Variants in DNAH2 observed in about 807,000 individuals in gnomAD.
The protein encoded by DNAH2 is axonemal beta dynein heavy chain 2.
DNAH2 carries 323 observed loss-of-function variants against 523.5 expected under a neutral mutation model. The observed-to-expected ratio is 0.62, with a 90% CI of 0.56 to 0.68. The LOEUF (loss-of-function observed/expected upper bound fraction) is 0.68. DNAH2 is among the 30% of genes least tolerant of loss of function. The pLI, the probability that DNAH2 is intolerant of heterozygous loss-of-function variation, is 0.00. For synonymous variants in DNAH2, 2,093 were observed against 2,177.4 expected (o/e 0.96, Z 1.08); for missense variants, 4,907 against 5,701.5 (o/e 0.86, Z 4.49).
chr17:7,750,025 C>T (rs375567334), intron 12 of DNAH2, among the ~76,000 whole-genome samples: 4 of 152,074 alleles, frequency 2.6e-5, no homozygotes, highest in South Asian at 2.1e-4. Flanking sequence ...TCATTATTAT[C>T]GTTATTACTA....
chr17:7,790,968 A>G (rs979026857), intron 44 of DNAH2, among the ~76,000 whole-genome samples: 15 of 152,118 alleles, frequency 9.9e-5, no homozygotes, highest in African/African-American at 3.1e-4. Flanking sequence ...CAGCTTCCCA[A>G]AGTGCTGGGA....
Position 7,817,479 on chromosome 17 carries a change from GA to G in DNAH2, c.10020+66del, listed in dbSNP as rs2077706119. The G allele has an allele frequency of 2.5e-6, 4 of 1,613,256 alleles. No individual in the cohort carries two copies. In the Admixed American group the frequency reaches 6.7e-5, roughly 27 times the overall value. On this transcript the variant is annotated intron_variant, in intron 65 of 85. Transcript: ENST00000572933. Reference sequence around the variant, plus strand: ...CCAGGGCTGGGGGCAGGACCTTTGGGAATATTAAGAGATACCGTGAAGGCGC... The same window carrying G: ...CCAGGGCTGGGGGCAGGACCTTTGGGATATTAAGAGATACCGTGAAGGCGC...
At chr17:7,753,191 G>C (rs2075737337) in intron 12 of DNAH2, among the ~76,000 whole-genome samples, 1 of 152,222 alleles carries the variant, frequency 6.6e-6, no homozygotes, top group South Asian at 2.1e-4. Context: ...TGGTTCTGGT[G>C]TAGGCGGTGG....
chr17:7,813,457 G>A (rs751238486), intron 63 of DNAH2, among the ~76,000 whole-genome samples: 53 of 152,204 alleles, frequency 3.5e-4, no homozygotes, highest in Non-Finnish European at 6.5e-4. Context: ...ATGTGTATCC[G>A]TAGGAGACTT....
rs1393826635 is a variant in DNAH2, at chr17:7,743,631, ACTC to A, written c.1904+491_1904+493del. 123 of 428,482 alleles carry A rather than the reference ACTC, an allele frequency of 2.9e-4. 1 individual carries two copies. Among genetic ancestry groups the A allele is most frequent in the Non-Finnish European group, 8.7e-5 (21 of 241,304 alleles). The allele number at this position is 428,482 out of a possible 1,614,324, so 26.5% of individuals were successfully genotyped here. On this transcript the variant is annotated intron_variant, in intron 12 of 85. Coordinates refer to ENST00000572933, the MANE Select transcript of DNAH2 (RefSeq NM_020877.5). The stretch of plus-strand genomic sequence containing the variant: ...CAGTGAGCTGAGATCACACCACTAC[ACTC>A]CAGCCTGGGCGACAGAGTGACCCTG...
chr17:7,788,392 A>C, intron 44 of DNAH2, 148 bp downstream of exon 44: 7 of 969,948 alleles, frequency 7.2e-6, no homozygotes, highest in Non-Finnish European at 1.0e-5. Flanking sequence ...ACGACCATGG[A>C]GGCAGTGAGG....
intron 44 of DNAH2, among the ~76,000 whole-genome samples, chr17:7,789,332 GAC>G (rs1807973848): frequency 1.3e-5 from 2 of 152,216 alleles, no homozygotes; most frequent in South Asian, 4.1e-4. Context: ...CAGAAGTGCA[GAC>G]ACACAGGAGT....
chr17:7,737,375 T>C, intron 8 of DNAH2, 117 bp downstream of exon 8: 1 of 1,131,762 alleles, frequency 8.8e-7, no homozygotes, highest in East Asian at 2.5e-5. Context: ...AGATTGCCCT[T>C]CTGCTCAGAG....
At chr17:7,761,481 C>G (rs187669048) in intron 18 of DNAH2, among the ~76,000 whole-genome samples, 1 of 151,412 alleles carries the variant, frequency 6.6e-6, no homozygotes, top group East Asian at 1.9e-4. Flanking sequence ...GTTGCCCACT[C>G]AGGAAGAAAA....
At chr17:7,813,559 TA>T (rs1190980923) in intron 63 of DNAH2, among the ~76,000 whole-genome samples, 4 of 151,830 alleles carry the variant, frequency 2.6e-5, no homozygotes, top group East Asian at 1.9e-4. Context: ...TGGAAACAAG[TA>T]AAAAAAATAG....
At position 7,768,223 on chromosome 17, in the gene DNAH2, C is replaced by T. The variant is rs1015197366; in HGVS notation, c.3897C>T (p.Thr1299=). The change falls in exon 24 of 86, where the codon ACC becomes ACT. Residue 1299 remains threonine (T), a synonymous_variant. Transcript: ENST00000572933. The part of the protein sequence containing the change: ...TRSKIEQFKR[T]MPLISDLRNP... ...CAAAAATAGAGCAGTTCAAGAGGAC[C>T]ATGCCTCTCATCTCAGACCTGCGGA... The T allele has an allele frequency of 1.2e-6, 2 of 1,614,148 alleles. No homozygotes were observed. Among genetic ancestry groups the T allele is most frequent in the Non-Finnish European group, 1.7e-6 (2 of 1,180,022 alleles).
rs1174470430 is a variant in DNAH2 at position 7,792,294 on chromosome 17, T to C, written c.7096T>C (p.Trp2366Arg). ...EYFVDPKIRS[W>R]TSFEDKLPKS... The stretch of plus-strand genomic sequence containing the variant: ...TTTTGTGGACCCCAAAATACGGAGT[T>C]GGACATCATTTGAGGACAAGCTCCC... The change falls in exon 46 of 86, where the codon TGG (tryptophan) becomes CGG (arginine). Residue 2366 changes from tryptophan to arginine, a missense_variant. Trp to Arg is a moderately radical substitution (Grantham distance 101). Around this residue, in one of 3 missense-constraint regions of DNAH2, gnomAD observed 2,806 missense variants for 3,190.8 expected, o/e 0.88. Transcript: ENST00000572933. The C allele has an allele frequency of 3.1e-6, 5 of 1,613,974 alleles. No homozygotes were observed. The highest frequency in any genetic ancestry group is 4.2e-6 in the Non-Finnish European group (5 of 1,180,010).
In DNAH2 at chr17:7,798,420, G is replaced by A. The variant is rs1299871139; in HGVS notation, c.8398+96G>A. 1.5e-5 allele frequency: 23 copies of A among 1,527,312 alleles called. No homozygotes were observed. Among genetic ancestry groups the A allele is most frequent in the South Asian group, 1.1e-4 (9 of 80,268 alleles). 94.6% of individuals were successfully genotyped at this position (1,527,312 alleles called of 1,614,324 possible). A position where few individuals can be genotyped will look rare whatever the true frequency, so the allele number is the denominator to read the frequency against. On this transcript the variant is annotated intron_variant, in intron 54 of 85. Coordinates refer to ENST00000572933, the MANE Select transcript of DNAH2 (RefSeq NM_020877.5). This position sits in a 1 kb window ranked among gnomAD's most constrained non-coding sequence, Gnocchi z 5.5. ...AGAGATGGCAGCCAGATGGGCAGAC[G>A]TGTCTGGCCCGTGTTGGGTGTAGGA...
At position 7,818,776 on chromosome 17, in the gene DNAH2, G is replaced by A. The variant is rs747465429; in HGVS notation, c.10670G>A (p.Arg3557Gln). 32 of 1,614,004 alleles carry A rather than the reference G, an allele frequency of 2.0e-5. 1 individual carries two copies. The South Asian group carries it at 2.1e-4, about 11-fold the overall frequency. Residue 3557 changes from arginine to glutamine, a missense_variant and splice_region_variant, in exon 70 of 86, where the codon CGG becomes CAG. Physicochemically the swap from Arg to Gln is conservative, Grantham distance 43. Transcript: ENST00000572933. ...AAGGAGCTGGAGGATGAGATCCTGC[G>A]GTGAGGCCCTGCCTTCCCCTCCCAC... ...KLKELEDEIL[R>Q]LLNEATGSLL...
chr17:7,833,253 C>A lies in DNAH2; in HGVS notation c.13129+32C>A, dbSNP rs777822892. ...CAGCTCCCCAGGCAGGACCTGCCTG[C>A]CCCGTCCCTAGTTTGGAACTTAACC... On this transcript the variant is annotated intron_variant, in intron 85 of 85. Coordinates refer to ENST00000572933, the MANE Select transcript of DNAH2 (RefSeq NM_020877.5). 7 of 1,606,164 alleles carry A rather than the reference C, an allele frequency of 4.4e-6. No homozygotes were observed. The Admixed American group carries it at 1.0e-4, about 23-fold the overall frequency.
chr17:7,767,947 G>A lies in DNAH2; in HGVS notation c.3723G>A (p.Glu1241=), dbSNP rs745895741. 6.2e-7 allele frequency: 1 copy of A among 1,614,164 alleles called. No homozygotes were observed. Among genetic ancestry groups the A allele is most frequent in the South Asian group, 1.1e-5 (1 of 91,080 alleles). Residue 1241 remains glutamate, a synonymous_variant, in exon 23 of 86, where the codon GAG becomes GAA. Coordinates refer to ENST00000572933, the MANE Select transcript of DNAH2 (RefSeq NM_020877.5). ...TCTGGGAGATCGCACGAGACTGGGA[G>A]GAGAACTGGAATGAGTGGAAGACTG... ...QQIWEIARDW[E]ENWNEWKTGR...
intron 49 of DNAH2, among the ~76,000 whole-genome samples, chr17:7,795,623 A>G (rs1420285068): frequency 6.7e-6 from 1 of 150,372 alleles, no homozygotes; most frequent in African/African-American, 2.4e-5. Flanking sequence ...GCAGTGAACC[A>G]TGATTGCACC....
At chr17:7,778,934 A>G (rs1243126637) in intron 35 of DNAH2, among the ~76,000 whole-genome samples, 2 of 152,184 alleles carry the variant, frequency 1.3e-5, no homozygotes, top group Non-Finnish European at 2.9e-5. Context: ...TTATTTGCAA[A>G]ATCAGAAGAT....
chr17:7,831,655 G>A lies in DNAH2; in HGVS notation c.12612-6G>A, dbSNP rs1414762903. 5.6e-6 allele frequency: 9 copies of A among 1,613,950 alleles called. No individual in the cohort carries two copies. Among genetic ancestry groups the A allele is most frequent in the South Asian group, 3.3e-5 (3 of 91,064 alleles). The stretch of plus-strand genomic sequence containing the variant: ...CATCTCTAACACTCCACCTCATCCT[G>A]CTCAGGTTCTCACTGACAGACCTAG... On this transcript the variant is annotated splice_region_variant and splice_polypyrimidine_tract_variant and intron_variant, in intron 81 of 85. Coordinates refer to ENST00000572933, the MANE Select transcript of DNAH2 (RefSeq NM_020877.5). The surrounding 1 kb of genome is among the most constrained non-coding windows in gnomAD (Gnocchi z 4.2).
Sources: gnomAD v4.1 joint callset for allele counts (sites outside exome capture counted in the v4.1 genomes callset) on GRCh38, gnomAD v4.1.1 for gene constraint, gnomAD v4.1.1 regional missense constraint, Gnocchi (gnomAD v3.1) non-coding constraint, MANE v1.5 for transcripts, NCBI Gene and HGNC (gene_info 2026-07-23, HGNC 2026-07-21) for gene names.